STYXL2: variants seen among roughly 807,000 people sequenced by gnomAD.
The protein encoded by STYXL2 is serine/threonine/tyrosine-interacting-like protein 2.
STYXL2 carries 44 observed loss-of-function variants against 52.4 expected under a neutral mutation model. The observed-to-expected ratio is 0.84, with a 90% confidence interval of 0.66 to 1.08. The LOEUF (loss-of-function observed/expected upper bound fraction) is 1.08. Ranked by LOEUF, STYXL2 falls within the 50% of genes least tolerant of loss-of-function variation. The probability of loss-of-function intolerance (pLI) is 0.00; values close to 1 mark genes in which losing one functional copy is unlikely to be tolerated. For missense variants in STYXL2, 1,604 were observed against 1,471.7 expected (o/e 1.09, Z -1.47); for synonymous variants, 604 against 586.9 (o/e 1.03, Z -0.42).
At chr1:167,121,395 T>A (rs968800738) in intron 5 of STYXL2, among the ~76,000 whole-genome samples, 1 of 152,214 alleles carries the variant, frequency 6.6e-6, no homozygotes, top group African/African-American at 2.4e-5. Flanking sequence ...GTAAGGAGTG[T>A]GTCCCACCTC....
rs1039846750 is a variant in STYXL2, at chr1:167,113,750, A to T, written c.151A>T (p.Met51Leu). 2 of 1,614,024 alleles carry T rather than the reference A, an allele frequency of 1.2e-6. No individual in the cohort carries two copies. Among genetic ancestry groups the T allele is most frequent in the African/African-American group, 2.7e-5 (2 of 74,922 alleles). The change falls in exon 3 of 6, where the codon ATG becomes TTG. Residue 51 changes from methionine to leucine, a missense_variant. Physicochemically the swap from Met to Leu is conservative, Grantham distance 15 (BLOSUM62 2). Coordinates refer to ENST00000361200, the MANE Select transcript of STYXL2 (RefSeq NM_001080426.3). The part of the protein sequence containing the change: ...VSDAETESIF[M>L]EPIHLSSAIA... The stretch of plus-strand genomic sequence containing the variant: ...AGATGCAGAAACAGAAAGCATTTTC[A>T]TGGAACCCATTCACCTCTCCTCAGC...
chr1:167,122,752 G>A (rs560093032), intron 5 of STYXL2, among the ~76,000 whole-genome samples: 62 of 151,906 alleles, frequency 4.1e-4, no homozygotes, highest in African/African-American at 1.5e-3. Context: ...CACTACCTCC[G>A]CCTCCCAGAT....
chr1:167,120,713 C>G (rs1332587767), intron 5 of STYXL2, among the ~76,000 whole-genome samples: 2 of 151,598 alleles, frequency 1.3e-5, no homozygotes, highest in African/African-American at 4.8e-5. Context: ...ACCTCCTGGG[C>G]TCAAGCGATC....
intron 2 of STYXL2, among the ~76,000 whole-genome samples, chr1:167,096,884 C>T (rs1667295298): frequency 6.6e-6 from 1 of 152,214 alleles, no homozygotes; most frequent in African/African-American, 2.4e-5. Context: ...TTACCAACTG[C>T]TGCATATGTA....
intron 2 of STYXL2, among the ~76,000 whole-genome samples, chr1:167,109,486 T>C (rs1667572388): frequency 6.6e-6 from 1 of 152,102 alleles, no homozygotes; most frequent in African/African-American, 2.4e-5. Flanking sequence ...ATAACTCCTT[T>C]GGCCTGAGAA....
chr1:167,100,553 C>G (rs1291666360), intron 2 of STYXL2, among the ~76,000 whole-genome samples: 2 of 152,176 alleles, frequency 1.3e-5, no homozygotes, highest in Non-Finnish European at 2.9e-5. Flanking sequence ...CCTTAGCCTA[C>G]CACAAGACAA....
Position 167,126,086 on chromosome 1 carries a change from G to A in STYXL2, c.955G>A (p.Asp319Asn), listed in dbSNP as rs148591870. 1,615 of 1,529,994 alleles carry A rather than the reference G, an allele frequency of 1.1e-3. 4 individuals are homozygous for A. The highest frequency in any genetic ancestry group is 1.3e-3 in the Non-Finnish European group (1,476 of 1,139,918). 94.8% of individuals were successfully genotyped at this position (1,529,994 alleles called of 1,614,324 possible). A position where few individuals can be genotyped will look rare whatever the true frequency, so the allele number is the denominator to read the frequency against. The part of the protein sequence containing the change: ...VHALTVEEED[D>N]SASHLSGSSL... Reference sequence around the variant, plus strand: ...CGCCCTGACGGTGGAAGAGGAGGACGACAGCGCCAGCCACCTGAGTGGCTC... The same window carrying A: ...CGCCCTGACGGTGGAAGAGGAGGACAACAGCGCCAGCCACCTGAGTGGCTC... Residue 319 changes from aspartate (D) to asparagine (N), a missense_variant, in exon 6 of 6, where the codon GAC becomes AAC. Transcript: ENST00000361200.
intron 3 of STYXL2, among the ~76,000 whole-genome samples, chr1:167,116,357 G>A (rs1316128434): frequency 3.3e-5 from 5 of 152,144 alleles, no homozygotes; most frequent in Non-Finnish European, 5.9e-5. Context: ...CCTGAGTCAC[G>A]TTTTGAGATT....
At chr1:167,107,119 G>A (rs762166269) in intron 2 of STYXL2, among the ~76,000 whole-genome samples, 4 of 152,144 alleles carry the variant, frequency 2.6e-5, no homozygotes, top group Non-Finnish European at 4.4e-5. Flanking sequence ...GCTGTTGGCT[G>A]GGAGCTCAGC....
intron 2 of STYXL2, among the ~76,000 whole-genome samples, chr1:167,099,806 A>G (rs1183900027): frequency 6.6e-6 from 1 of 152,262 alleles, no homozygotes; most frequent in Non-Finnish European, 1.5e-5. Context: ...TATGTGCACC[A>G]GAAGATAAAT....
At chr1:167,100,970 A>G (rs1178197190) in intron 2 of STYXL2, among the ~76,000 whole-genome samples, 1 of 152,224 alleles carries the variant, frequency 6.6e-6, no homozygotes, top group Non-Finnish European at 1.5e-5. Flanking sequence ...ACTTTACTTC[A>G]CAGAACCACA....
intron 2 of STYXL2, among the ~76,000 whole-genome samples, chr1:167,112,460 G>A (rs1230319438): frequency 6.6e-6 from 1 of 152,108 alleles, no homozygotes; most frequent in African/African-American, 2.4e-5. Context: ...CAGCTCATCG[G>A]GATTCTGCTC....
intron 3 of STYXL2, among the ~76,000 whole-genome samples, chr1:167,114,385 T>C (rs1667681856): frequency 3.3e-5 from 5 of 152,242 alleles, no homozygotes; most frequent in Non-Finnish European, 4.4e-5. Context: ...AATAATCTTT[T>C]GCAATTTCTT....
In STYXL2 at chr1:167,126,215, T is replaced by C; in HGVS notation, c.1084T>C (p.Ser362Pro). 6.5e-7 allele frequency: 1 copy of C among 1,538,862 alleles called. No homozygotes were observed. The highest frequency in any genetic ancestry group is 8.7e-7 in the Non-Finnish European group (1 of 1,148,040). ...GTGGAAGAAGGGGCAGGGCCTCCTC[T>C]CAGACAAGGTCCCCCAGGATGGAGG... The part of the protein sequence containing the change: ...EQWKKGQGLL[S>P]DKVPQDGGGW... Residue 362 changes from serine (S) to proline (P), a missense_variant, in exon 6 of 6, where the codon TCA (serine) becomes CCA (proline). Ser to Pro is a moderately conservative substitution (Grantham distance 74, BLOSUM62 -1). Transcript: ENST00000361200.
chr1:167,095,268 C>G (rs1349142342), intron 2 of STYXL2, among the ~76,000 whole-genome samples: 1 of 150,482 alleles, frequency 6.6e-6, no homozygotes, highest in Non-Finnish European at 1.5e-5. Context: ...TGATGATGGA[C>G]CCGAACCTCA....
In STYXL2 at chr1:167,127,686, CTGAGTA is replaced by C; in HGVS notation, c.2556_2561del (p.Glu853_Tyr854del). 2 of 1,614,046 alleles carry C rather than the reference CTGAGTA, an allele frequency of 1.2e-6. No individual in the cohort carries two copies. The highest frequency in any genetic ancestry group is 1.7e-6 in the Non-Finnish European group (2 of 1,180,016). ...CAGATGGAGCTTAGGGAGAAGATGT[CTGAGTA>C]CAAAATGGAAAAGCTGGCCTCAGAC... On this transcript the variant is annotated inframe_deletion, in exon 6 of 6. Transcript: ENST00000361200.
rs770467344 is a variant in STYXL2 at position 167,128,260 on chromosome 1, C to T, written c.3129C>T (p.Arg1043=). ...REESPEPYFF[R]RTPESSEREE... is the part of the protein sequence containing the mutation. ...AGAGCCCAGAGCCCTACTTCTTCCG[C>T]CGGACCCCAGAGTCCTCAGAAAGGG... The change falls in exon 6 of 6, where the codon CGC becomes CGT. Residue 1043 remains arginine, a synonymous_variant. Coordinates refer to ENST00000361200, the MANE Select transcript of STYXL2 (RefSeq NM_001080426.3). The T allele has an allele frequency of 1.9e-6, 3 of 1,614,174 alleles. No homozygotes were observed. Among genetic ancestry groups the T allele is most frequent in the Middle Eastern group, 1.6e-4 (1 of 6,062 alleles).
rs1303277879 is a variant in STYXL2 at position 167,126,667 on chromosome 1, G to C, written c.1536G>C (p.Gly512=). The change falls in exon 6 of 6, where the codon GGG becomes GGC. Residue 512 remains glycine, a synonymous_variant. Coordinates refer to ENST00000361200, the MANE Select transcript of STYXL2 (RefSeq NM_001080426.3). ...CGGCAGACAGGAGCTCAGAAGCAGG[G>C]AGCAGGGTGCGGGAGGATGATGAGG... The part of the protein sequence containing the change: ...EEAADRSSEA[G]SRVREDDEDS... 1 of 1,614,110 alleles carries C rather than the reference G, an allele frequency of 6.2e-7. No homozygotes were observed. The highest frequency in any genetic ancestry group is 1.1e-5 in the South Asian group (1 of 91,084).
intron 2 of STYXL2, among the ~76,000 whole-genome samples, chr1:167,097,980 T>G (rs1320772710): frequency 2.0e-5 from 3 of 149,990 alleles, no homozygotes; most frequent in East Asian, 3.9e-4. Context: ...CTAGGCAATA[T>G]AGTGAGGCCC....
Sources: allele counts gnomAD v4.1 joint callset (sites outside exome capture counted in the v4.1 genomes callset), GRCh38; gene constraint gnomAD v4.1.1; transcripts MANE v1.5; gene names NCBI Gene and HGNC (gene_info 2026-07-23, HGNC 2026-07-21).